Variants in KIDINS220 observed in about 807,000 individuals in gnomAD.
The protein encoded by KIDINS220 is kinase D interacting substrate 220.
A neutral mutation model predicts 157.6 loss-of-function variants in KIDINS220; 63 were observed. The observed-to-expected ratio is 0.40, with a 90% CI of 0.33 to 0.49. The LOEUF is 0.49. KIDINS220 is among the 20% of genes least tolerant of loss of function. The pLI, the probability that KIDINS220 is intolerant of heterozygous loss-of-function variation, is 0.66. For missense variants in KIDINS220, 1,772 were observed against 2,171.2 expected (o/e 0.82, Z 3.65); for synonymous variants, 732 against 783.6 (o/e 0.93, Z 1.10).
intron 7 of KIDINS220, among the ~76,000 whole-genome samples, chr2:8,803,526 G>A: frequency 6.6e-6 from 1 of 151,954 alleles, no homozygotes; most frequent in Non-Finnish European, 1.5e-5. Context: ...AAAGTCAGGT[G>A]AATCAGACTT....
intron 22 of KIDINS220, among the ~76,000 whole-genome samples, chr2:8,765,656 C>T (rs1669385020): frequency 6.6e-6 from 1 of 152,148 alleles, no homozygotes; most frequent in African/African-American, 2.4e-5. Context: ...CTTCCTAGCT[C>T]ACATAGAAAA....
intron 1 of KIDINS220, among the ~76,000 whole-genome samples, chr2:8,836,498 C>G (rs1174149040): frequency 6.6e-6 from 1 of 152,224 alleles, no homozygotes; most frequent in African/African-American, 2.4e-5. Flanking sequence ...AGCTCCTCCC[C>G]GGGAGAATCC....
chr2:8,750,050 C>T (rs1325818099), intron 24 of KIDINS220, 62 bp downstream of exon 24: 24 of 1,412,930 alleles, frequency 1.7e-5, no homozygotes, highest in Admixed American at 5.7e-5. Flanking sequence ...AATCCACAAG[C>T]AGAAAACTGA....
chr2:8,742,370 GC>G (rs1665752188), intron 26 of KIDINS220, among the ~76,000 whole-genome samples: 1 of 151,976 alleles, frequency 6.6e-6, no homozygotes, highest in South Asian at 2.1e-4. Context: ...CTAAGTGCAG[GC>G]TTACTGCATG....
At chr2:8,749,559 C>G (rs1249652236) in intron 24 of KIDINS220, 6 of 325,804 alleles carry the variant, frequency 1.8e-5, no homozygotes, top group Admixed American at 4.2e-5. Context: ...TTTATATTAA[C>G]TAAAAAATTG....
chr2:8,811,774 T>TA (rs374156796), intron 6 of KIDINS220, among the ~76,000 whole-genome samples: 45 of 145,078 alleles, frequency 3.1e-4, no homozygotes, highest in Admixed American at 9.7e-4. Flanking sequence ...GTTAAGGATT[T>TA]AAAAAAAAAA....
intron 26 of KIDINS220, among the ~76,000 whole-genome samples, chr2:8,744,879 ATTAT>A (rs1252853811): frequency 6.6e-6 from 1 of 152,222 alleles, no homozygotes; most frequent in Middle Eastern, 3.2e-3. Flanking sequence ...GTAAGCATCT[ATTAT>A]TTGTTATGCT....
At chr2:8,821,485 GAC>G (rs1166379778) in intron 2 of KIDINS220, among the ~76,000 whole-genome samples, 1 of 152,158 alleles carries the variant, frequency 6.6e-6, no homozygotes, top group Non-Finnish European at 1.5e-5. Context: ...CCAATACTGA[GAC>G]ACAGTGCTGG....
In KIDINS220 at chr2:8,796,848, T is replaced by G; in HGVS notation, c.1021A>C (p.Lys341Gln). The G allele has an allele frequency of 6.2e-7, 1 of 1,614,174 alleles. No homozygotes were observed. Among genetic ancestry groups the G allele is most frequent in the Non-Finnish European group, 8.5e-7 (1 of 1,180,000 alleles). Residue 341 changes from lysine (K) to glutamine (Q), a missense_variant, in exon 11 of 30, where the codon AAG becomes CAG. Transcript: ENST00000256707. Reference sequence around the variant, plus strand: ...TCAATGTTTCTCATCTTGGTAGCCTTTATAAGTGGCGTTTCACCATCCTGT... The same window carrying G: ...TCAATGTTTCTCATCTTGGTAGCCTGTATAAGTGGCGTTTCACCATCCTGT... Reference protein sequence around the residue: ...CTKDGETPLIKATKMRNIEVV... With the variant: ...CTKDGETPLIQATKMRNIEVV...
intron 22 of KIDINS220, chr2:8,757,607 T>G (rs1298441709): frequency 7.5e-6 from 12 of 1,589,610 alleles, no homozygotes; most frequent in Non-Finnish European, 1.0e-5. Flanking sequence ...CCATTTTCAG[T>G]CCTTCGAGGC....
chr2:8,726,962 A>T (rs1663382580), downstream of KIDINS220: 8 of 1,271,574 alleles, frequency 6.3e-6, no homozygotes, highest in African/African-American at 1.5e-5. Flanking sequence ...GAAAGGGTTT[A>T]AAATTATGTA....
chr2:8,834,276 T>C (rs955220413), intron 1 of KIDINS220, among the ~76,000 whole-genome samples: 1 of 151,864 alleles, frequency 6.6e-6, no homozygotes, highest in African/African-American at 2.4e-5. Flanking sequence ...AAATCCCAGA[T>C]CCCTACCAGG....
intron 22 of KIDINS220, among the ~76,000 whole-genome samples, chr2:8,768,191 A>G (rs778648985): frequency 7.4e-4 from 113 of 152,232 alleles, no homozygotes; most frequent in Non-Finnish European, 1.3e-3. Context: ...TGCAATAAAA[A>G]CTAGACAAAA....
At chr2:8,798,075 T>C (rs964117487) in intron 10 of KIDINS220, 127 bp downstream of exon 10, 1 of 597,670 alleles carries the variant, frequency 1.7e-6, no homozygotes, top group Admixed American at 3.2e-5. Flanking sequence ...TACTCCTCAA[T>C]GTGATAGAGA....
In KIDINS220 at chr2:8,785,052, CA is replaced by C. The variant is rs1209233902; in HGVS notation, c.2229+688del. ...ATAAATGAACTGTGATATATCCAGA[CA>C]ATGGCACATTAGCCATGCTAAAAAG... is the stretch of plus-strand genomic sequence containing the variant. On this transcript the variant is annotated intron_variant, in intron 17 of 29. Transcript: ENST00000256707. Among the ~76,000 whole-genome samples, 4 of 152,156 alleles carry C rather than the reference CA, an allele frequency of 2.6e-5. No homozygotes were observed. In the East Asian group the frequency reaches 7.7e-4, roughly 29 times the overall value.
intron 22 of KIDINS220, among the ~76,000 whole-genome samples, chr2:8,756,439 C>T (rs1022451217): frequency 6.6e-6 from 1 of 152,132 alleles, no homozygotes; most frequent in African/African-American, 2.4e-5. Context: ...TTTGCCTGTC[C>T]AATTGCAATG....
At chr2:8,785,323 A>G (rs970577741) in intron 17 of KIDINS220, among the ~76,000 whole-genome samples, 7 of 152,198 alleles carry the variant, frequency 4.6e-5, no homozygotes, top group African/African-American at 1.7e-4. Context: ...TCTACTCTGT[A>G]TAAGACTATA....
At chr2:8,743,970 T>C (rs1181403576) in intron 26 of KIDINS220, among the ~76,000 whole-genome samples, 1 of 151,484 alleles carries the variant, frequency 6.6e-6, no homozygotes, top group Non-Finnish European at 1.5e-5. Flanking sequence ...ATATTTTTTC[T>C]CTATTATACA....
At chr2:8,784,226 A>G (rs1289485979) in intron 17 of KIDINS220, among the ~76,000 whole-genome samples, 1 of 152,120 alleles carries the variant, frequency 6.6e-6, no homozygotes, top group African/African-American at 2.4e-5. Context: ...GAAGCAAGAA[A>G]GCAAGCAAGA....
Sources: allele counts gnomAD v4.1 joint callset (sites outside exome capture counted in the v4.1 genomes callset), GRCh38; gene constraint gnomAD v4.1.1; transcripts MANE v1.5; gene names NCBI Gene and HGNC (gene_info 2026-07-23, HGNC 2026-07-21).